The following KIF16B variants were observed in gnomAD, a reference collection of about 807,000 sequenced individuals.
KIF16B encodes kinesin-like protein KIF16B.
A neutral mutation model predicts 156.3 loss-of-function variants in KIF16B; 98 were observed. The ratio of observed to expected loss-of-function variants is 0.63; its 90% CI spans 0.53 to 0.74. KIF16B has a LOEUF of 0.74. Ranked by LOEUF, KIF16B falls within the 30% of genes least tolerant of loss-of-function variation. The pLI is 0.00. For missense variants in KIF16B, 1,421 were observed against 1,606.5 expected (o/e 0.88, Z 1.97); for synonymous variants, 564 against 583.7 (o/e 0.97, Z 0.49).
chr20:16,534,687 T>C (rs754660366), intron 1 of KIF16B, among the ~76,000 whole-genome samples: 1 of 152,190 alleles, frequency 6.6e-6, no homozygotes, highest in Non-Finnish European at 1.5e-5. Flanking sequence ...TTGACTTTTG[T>C]ATACAGTGAG....
intron 23 of KIF16B, among the ~76,000 whole-genome samples, chr20:16,345,620 A>G (rs2064218736): frequency 6.6e-6 from 1 of 152,208 alleles, no homozygotes; most frequent in African/African-American, 2.4e-5. Context: ...GTGATAAAAC[A>G]ATTTTAGGGT....
intron 15 of KIF16B, among the ~76,000 whole-genome samples, chr20:16,426,882 A>G (rs1450342152): frequency 6.6e-6 from 1 of 152,150 alleles, no homozygotes; most frequent in Non-Finnish European, 1.5e-5. Context: ...AACTTTTAAG[A>G]TAATTCTATA....
chr20:16,566,514 T>C (rs979467741), intron 1 of KIF16B, among the ~76,000 whole-genome samples: 4 of 152,260 alleles, frequency 2.6e-5, no homozygotes, highest in African/African-American at 9.6e-5. Context: ...CAATGCCTAA[T>C]AATATACCTG....
chr20:16,488,197 T>G (rs779656166), intron 12 of KIF16B, among the ~76,000 whole-genome samples: 13 of 152,320 alleles, frequency 8.5e-5, no homozygotes, highest in Non-Finnish European at 1.5e-4. Flanking sequence ...TAACCAATGC[T>G]GGAAGGATTC....
chr20:16,351,866 A>G (rs1192236623), intron 23 of KIF16B, among the ~76,000 whole-genome samples: 1 of 152,252 alleles, frequency 6.6e-6, no homozygotes, highest in Non-Finnish European at 1.5e-5. Context: ...GAATATTAAA[A>G]CAAACACCAA....
At chr20:16,358,610 G>A (rs762297645) in intron 22 of KIF16B, among the ~76,000 whole-genome samples, 1 of 152,160 alleles carries the variant, frequency 6.6e-6, no homozygotes, top group Non-Finnish European at 1.5e-5. Flanking sequence ...TACATGGGAG[G>A]GACCCAACTA....
chr20:16,475,735 T>C (rs921374098), intron 12 of KIF16B, among the ~76,000 whole-genome samples: 1 of 152,304 alleles, frequency 6.6e-6, no homozygotes, highest in Middle Eastern at 3.4e-3. Flanking sequence ...GAAAAGTCTT[T>C]TAAGTGGCAA....
intron 22 of KIF16B, among the ~76,000 whole-genome samples, chr20:16,360,495 A>C (rs4814477): frequency 0.66 from 99,648 of 151,808 alleles, 33,510 homozygotes; most frequent in East Asian, 0.97. Context: ...AGGAGGTGTG[A>C]GGAACACCTC....
chr20:16,311,245 T>C (rs1244743603), intron 25 of KIF16B, among the ~76,000 whole-genome samples: 1 of 152,182 alleles, frequency 6.6e-6, no homozygotes, highest in African/African-American at 2.4e-5. Context: ...TGCTAGCACA[T>C]TGAGAGATGG....
rs139487091 is a variant in KIF16B, at chr20:16,451,796, G to C, written c.1303-21814C>G. 3.3e-3 allele frequency among the ~76,000 whole-genome samples: 505 copies of C among 151,952 alleles called. 3 individuals are homozygous for C. The highest frequency in any genetic ancestry group is 0.011 in the African/African-American group (446 of 41,408). On this transcript the variant is annotated intron_variant, in intron 12 of 25. Transcript: ENST00000354981. Reference sequence around the variant, plus strand: ...AAACTTTTTTTTTATTCAGGCCTTGGTTTTATTTACTTTAATATTCAGTAT... The same window carrying C: ...AAACTTTTTTTTTATTCAGGCCTTGCTTTTATTTACTTTAATATTCAGTAT...
chr20:16,504,438 G>T lies in KIF16B; in HGVS notation c.1110C>A (p.Val370=). The change falls in exon 10 of 26, where the codon GTC becomes GTA. Residue 370 remains valine (V), a synonymous_variant. Transcript: ENST00000354981. Reference sequence around the variant, plus strand: ...CAGCTCGCAGCTCACGGATAAGTTTGACGTTGGCATCCTCATTAATGGTAG... The same window carrying T: ...CAGCTCGCAGCTCACGGATAAGTTTTACGTTGGCATCCTCATTAATGGTAG... ...NKPTINEDAN[V]KLIRELRAEI... is the part of the protein sequence containing the mutation. 1.9e-6 allele frequency: 3 copies of T among 1,614,132 alleles called. No homozygotes were observed. Among genetic ancestry groups the T allele is most frequent in the Non-Finnish European group, 2.5e-6 (3 of 1,179,996 alleles).
chr20:16,395,948 G>A (rs2065489762), intron 17 of KIF16B, among the ~76,000 whole-genome samples: 1 of 152,142 alleles, frequency 6.6e-6, no homozygotes, highest in African/African-American at 2.4e-5. Context: ...TGCATCGAGA[G>A]CCTTAAAACT....
chr20:16,548,347 G>C (rs1282616459), intron 1 of KIF16B, among the ~76,000 whole-genome samples: 2 of 152,188 alleles, frequency 1.3e-5, no homozygotes, highest in Non-Finnish European at 1.5e-5. Context: ...ACCAGCCCAG[G>C]CTGCAGAAGC....
At position 16,312,329 on chromosome 20, in the gene KIF16B, T is replaced by G. The variant is rs777590610; in HGVS notation, c.3795+6A>C. The G allele has an allele frequency of 1.2e-6, 2 of 1,607,006 alleles. No homozygotes were observed. The highest frequency in any genetic ancestry group is 1.7e-6 in the Non-Finnish European group (2 of 1,174,044). ...ACACAGAGGAAAAACAGCTTAATTC[T>G]GTTACCTCTAAGTGACTTCGTCTCT... On this transcript the variant is annotated splice_donor_region_variant and intron_variant, in intron 25 of 25. Transcript: ENST00000354981.
intron 22 of KIF16B, chr20:16,367,838 G>A: frequency 6.2e-7 from 1 of 1,605,152 alleles, no homozygotes. Context: ...TGTTGAGAGA[G>A]GTATTTGTTG....
chr20:16,473,696 T>C (rs184598944), intron 12 of KIF16B, among the ~76,000 whole-genome samples: 124 of 152,186 alleles, frequency 8.1e-4, no homozygotes, highest in African/African-American at 2.9e-3. Context: ...AACTATGATA[T>C]GACAAGGTAG....
intron 1 of KIF16B, among the ~76,000 whole-genome samples, chr20:16,564,178 T>G (rs1261323551): frequency 6.6e-6 from 1 of 152,104 alleles, no homozygotes; most frequent in East Asian, 1.9e-4. Context: ...AGTAAAAAAG[T>G]TTCAAAAGAT....
At chr20:16,507,099 C>CGAAA (rs11087172) in intron 7 of KIF16B, among the ~76,000 whole-genome samples, 1 of 124,710 alleles carries the variant, frequency 8.0e-6, no homozygotes. Context: ...AATCATGTCT[C>CGAAA]AAAAAAAAAA....
chr20:16,475,492 T>C (rs909126392), intron 12 of KIF16B, among the ~76,000 whole-genome samples: 1 of 152,202 alleles, frequency 6.6e-6, no homozygotes, highest in Non-Finnish European at 1.5e-5. Context: ...TGTTTCTGTG[T>C]AAACAAGGAA....
Sources: gnomAD v4.1 joint callset for allele counts (sites outside exome capture counted in the v4.1 genomes callset) on GRCh38, gnomAD v4.1.1 for gene constraint, MANE v1.5 for transcripts, NCBI Gene and HGNC (gene_info 2026-07-23, HGNC 2026-07-21) for gene names.